R3HDM2: variants seen among roughly 807,000 people sequenced by gnomAD.
The protein encoded by R3HDM2 is R3H domain-containing protein 2.
A neutral mutation model predicts 124.5 loss-of-function variants in R3HDM2; 38 were observed. The ratio of observed to expected loss-of-function variants is 0.31; its 90% CI spans 0.24 to 0.40. R3HDM2 has a LOEUF of 0.40. Among genes scored for constraint, R3HDM2 ranks in the 10% least tolerant of loss-of-function variants. The pLI is 1.00. For synonymous variants in R3HDM2, 391 were observed against 448.0 expected (o/e 0.87, Z 1.61); for missense variants, 869 against 1,236.9 (o/e 0.70, Z 4.46).
chr12:57,270,013 A>G lies in R3HDM2; in HGVS notation c.1345-19T>C. 1 of 1,613,966 alleles carries G rather than the reference A, an allele frequency of 6.2e-7. No homozygotes were observed. Among genetic ancestry groups the G allele is most frequent in the Non-Finnish European group, 8.5e-7 (1 of 1,179,868 alleles). ...CATCTGCCTGTTGAGAGAGTATAAG[A>G]CACAGGATTGGGGCTGTATCAAACC... On this transcript the variant is annotated intron_variant, in intron 14 of 23. Transcript: ENST00000402412.
At chr12:57,381,282 G>T (rs919885496) in intron 2 of R3HDM2, among the ~76,000 whole-genome samples, 2 of 151,462 alleles carry the variant, frequency 1.3e-5, no homozygotes, top group Non-Finnish European at 2.9e-5. Flanking sequence ...GGCCGGGCAC[G>T]GTGGCTCACG....
intron 2 of R3HDM2, among the ~76,000 whole-genome samples, chr12:57,382,339 T>C (rs1466730438): frequency 6.6e-6 from 1 of 151,128 alleles, no homozygotes; most frequent in African/African-American, 2.4e-5. Flanking sequence ...CTCAGACTCC[T>C]GGCCTCAAGC....
intron 4 of R3HDM2, among the ~76,000 whole-genome samples, chr12:57,302,092 G>GT (rs1033103062): frequency 5.3e-5 from 8 of 151,916 alleles, no homozygotes; most frequent in African/African-American, 1.9e-4. Flanking sequence ...AACAGCCTGC[G>GT]TGACATGGCA....
intron 2 of R3HDM2, among the ~76,000 whole-genome samples, chr12:57,380,520 A>G (rs2064705782): frequency 6.6e-6 from 1 of 152,214 alleles, no homozygotes; most frequent in Admixed American, 6.5e-5. Flanking sequence ...TCTGTGTTAC[A>G]CAAGTCCCCA....
At chr12:57,379,932 G>A (rs1223086582) in intron 2 of R3HDM2, among the ~76,000 whole-genome samples, 2 of 151,904 alleles carry the variant, frequency 1.3e-5, no homozygotes, top group Non-Finnish European at 2.9e-5. Flanking sequence ...TAATATAAAG[G>A]TATTTCTGAT....
At chr12:57,396,607 T>A (rs1208272927) in intron 1 of R3HDM2, among the ~76,000 whole-genome samples, 1 of 151,220 alleles carries the variant, frequency 6.6e-6, no homozygotes, top group Non-Finnish European at 1.5e-5. Flanking sequence ...TGAAACCCCG[T>A]CTCTACTGAA....
At chr12:57,420,403 C>A (rs1466029621) in intron 1 of R3HDM2, among the ~76,000 whole-genome samples, 1 of 152,116 alleles carries the variant, frequency 6.6e-6, no homozygotes, top group African/African-American at 2.4e-5. Flanking sequence ...ACTGTCAAAT[C>A]CAGTGAGTTA....
At chr12:57,328,517 A>G (rs2057652015) in intron 2 of R3HDM2, among the ~76,000 whole-genome samples, 2 of 151,916 alleles carry the variant, frequency 1.3e-5, no homozygotes, top group African/African-American at 2.4e-5. Flanking sequence ...TATTTTAGCA[A>G]TAAACTTTTT....
In R3HDM2 at chr12:57,268,398, C is replaced by G. The variant is rs746018461; in HGVS notation, c.1935G>C (p.Leu645=). ...VVQPPFQQPM[L]VPVSQSVQGG... is the part of the protein sequence containing the mutation. ...CTTGCACAGACTGGCTCACAGGGAC[C>G]AGCATGGGTTGCTGGAAAGGCGGCT... The change falls in exon 18 of 24, where the codon CTG becomes CTC. Residue 645 remains leucine (L), a synonymous_variant. Transcript: ENST00000402412. The G allele has an allele frequency of 1.2e-6, 2 of 1,614,106 alleles. No individual in the cohort carries two copies. The highest frequency in any genetic ancestry group is 1.6e-4 in the Middle Eastern group (1 of 6,062).
intron 1 of R3HDM2, among the ~76,000 whole-genome samples, chr12:57,417,316 C>T (rs925207777): frequency 3.3e-5 from 5 of 149,900 alleles, no homozygotes; most frequent in Admixed American, 1.3e-4. Flanking sequence ...GCCCAGGAAC[C>T]GGATGTTGCA....
chr12:57,430,394 C>T, intron 1 of R3HDM2: 1 of 430,748 alleles, frequency 2.3e-6, no homozygotes, highest in Non-Finnish European at 3.1e-6. Context: ...AAACCGCCAC[C>T]CAAGAAACAC....
intron 2 of R3HDM2, among the ~76,000 whole-genome samples, chr12:57,332,402 C>A (rs1320508325): frequency 8.9e-6 from 1 of 112,152 alleles, no homozygotes; most frequent in South Asian, 3.2e-4. Context: ...TGGAGTGAGA[C>A]CCTGTCTCAA....
intron 1 of R3HDM2, among the ~76,000 whole-genome samples, chr12:57,416,384 T>C (rs977041141): frequency 6.6e-6 from 1 of 152,184 alleles, no homozygotes; most frequent in Admixed American, 6.5e-5. Flanking sequence ...TCCTCTACCT[T>C]TCCTATAGGT....
At chr12:57,288,428 G>T (rs979645014) in intron 12 of R3HDM2, among the ~76,000 whole-genome samples, 9 of 150,856 alleles carry the variant, frequency 6.0e-5, no homozygotes, top group African/African-American at 2.0e-4. Flanking sequence ...TTTTCTTAAA[G>T]ATATCTTTAA....
chr12:57,375,714 C>T (rs890538643), intron 2 of R3HDM2, among the ~76,000 whole-genome samples: 1 of 150,714 alleles, frequency 6.6e-6, no homozygotes, highest in African/African-American at 2.4e-5. Flanking sequence ...TGCTCTGTCG[C>T]CAGGCTGGAG....
intron 1 of R3HDM2, among the ~76,000 whole-genome samples, chr12:57,424,139 A>AAG (rs2070480483): frequency 1.4e-5 from 2 of 140,610 alleles, no homozygotes; most frequent in Non-Finnish European, 3.1e-5. Flanking sequence ...AAAAAAAAAA[A>AAG]GGAACAAAGA....
At chr12:57,330,791 C>G (rs1312399382) in intron 2 of R3HDM2, among the ~76,000 whole-genome samples, 2 of 140,280 alleles carry the variant, frequency 1.4e-5, no homozygotes, top group African/African-American at 5.3e-5. Flanking sequence ...CTCCGCCTCC[C>G]GGGTTCACGC....
In R3HDM2 at chr12:57,353,150, A is replaced by C. The variant is rs560579845; in HGVS notation, c.-36+42599T>G. On this transcript the variant is annotated intron_variant, in intron 2 of 23. Coordinates refer to ENST00000402412, the MANE Select transcript of R3HDM2 (RefSeq NM_001394031.1). ...AAACTTTTGATGACTTCAAAATTGA[A>C]AACTTCTATACAATTTTAAAAATTC... is the stretch of plus-strand genomic sequence containing the variant. 2.6e-5 allele frequency among the ~76,000 whole-genome samples: 4 copies of C among 152,220 alleles called. No homozygotes were observed. In the East Asian group the frequency reaches 7.7e-4, roughly 29 times the overall value.
chr12:57,412,309 A>AG (rs36035875), intron 1 of R3HDM2, among the ~76,000 whole-genome samples: 65,830 of 151,634 alleles, frequency 0.43, 15,019 homozygotes, highest in South Asian at 0.52. Flanking sequence ...TGGGAGGCCA[A>AG]GGGGGGCGAA....
Sources: allele counts gnomAD v4.1 joint callset (sites outside exome capture counted in the v4.1 genomes callset), GRCh38; gene constraint gnomAD v4.1.1; transcripts MANE v1.5; gene names NCBI Gene and HGNC (gene_info 2026-07-23, HGNC 2026-07-21).